BTBD10: variants seen among roughly 807,000 people sequenced by gnomAD.
BTBD10 encodes the protein BTB/POZ domain-containing protein 10.
Under a neutral mutation model 53.2 loss-of-function variants are expected in BTBD10, and 21 were observed. The observed-to-expected ratio is 0.39, with a 90% CI of 0.28 to 0.57. The LOEUF is 0.57. Among genes scored for constraint, BTBD10 ranks in the 20% least tolerant of loss-of-function variants. BTBD10 has a pLI of 0.53. For synonymous variants in BTBD10, 149 were observed against 192.7 expected, an observed-to-expected ratio of 0.77 and a Z score of 1.88; for missense variants, 360 against 594.7, an observed-to-expected ratio of 0.61 and a Z score of 4.10.
intron 8 of BTBD10, among the ~76,000 whole-genome samples, chr11:13,389,523 G>T (rs1949351666): frequency 6.6e-6 from 1 of 151,976 alleles, no homozygotes; most frequent in African/African-American, 2.4e-5. Context: ...TGCTTCCCAG[G>T]TTCAAGCAAT....
chr11:13,419,664 G>A lies in BTBD10; in HGVS notation c.380C>T (p.Ala127Val), dbSNP rs774906483. 4 of 1,613,970 alleles carry A rather than the reference G, an allele frequency of 2.5e-6. No individual in the cohort carries two copies. The highest frequency in any genetic ancestry group is 1.7e-5 in the Admixed American group (1 of 60,002). Residue 127 changes from alanine to valine, a missense_variant, in exon 4 of 9, where the codon GCT (alanine) becomes GTT (valine). By Grantham distance (64) the Ala-to-Val change is moderately conservative. This residue lies in a region of BTBD10 where 109 missense variants were observed against 118.6 expected (regional missense o/e 0.92). Coordinates refer to ENST00000278174, the MANE Select transcript of BTBD10 (RefSeq NM_032320.7). ...ACTACTGTTTCTGCTGCTGTTCCCA[G>A]CACTGCTAATGGAACCATTTGGGGA... The part of the protein sequence containing the change: ...KASPNGSISS[A>V]GNSSRNSSQS...
chr11:13,418,457 AT>A (rs1471119823), intron 4 of BTBD10, among the ~76,000 whole-genome samples: 6 of 152,214 alleles, frequency 3.9e-5, no homozygotes, highest in African/African-American at 1.4e-4. Flanking sequence ...GTTTCTATAT[AT>A]TATGTAAAAA....
chr11:13,449,588 T>C (rs1329962922), intron 1 of BTBD10, among the ~76,000 whole-genome samples: 1 of 152,208 alleles, frequency 6.6e-6, no homozygotes, highest in Non-Finnish European at 1.5e-5. Context: ...ACTAAAATCT[T>C]ACTCTTAGTC....
intron 2 of BTBD10, among the ~76,000 whole-genome samples, chr11:13,427,744 A>T (rs958495728): frequency 2.6e-5 from 4 of 152,244 alleles, no homozygotes; most frequent in Non-Finnish European, 5.9e-5. Context: ...AAGTATCAAT[A>T]AACTTAAAAG....
At chr11:13,416,379 A>C (rs192097908) in intron 5 of BTBD10, among the ~76,000 whole-genome samples, 31 of 152,224 alleles carry the variant, frequency 2.0e-4, no homozygotes, top group East Asian at 3.9e-4. Flanking sequence ...ACAACAACAA[A>C]AAAAACCCAA....
At chr11:13,417,853 A>C (rs1265871786) in intron 4 of BTBD10, among the ~76,000 whole-genome samples, 4 of 152,214 alleles carry the variant, frequency 2.6e-5, no homozygotes, top group African/African-American at 7.2e-5. Context: ...TGAAGAAATA[A>C]GACAAGGGCA....
chr11:13,425,487 G>A (rs1415493960), intron 2 of BTBD10, among the ~76,000 whole-genome samples: 2 of 152,004 alleles, frequency 1.3e-5, no homozygotes, highest in Non-Finnish European at 2.9e-5. Context: ...AAAACATCAA[G>A]TGAAATAAAA....
chr11:13,411,021 G>C (rs1365829686), intron 6 of BTBD10, among the ~76,000 whole-genome samples: 1 of 152,148 alleles, frequency 6.6e-6, no homozygotes, highest in African/African-American at 2.4e-5. Context: ...AGTCAGATTT[G>C]AGTATGTTTG....
intron 2 of BTBD10, among the ~76,000 whole-genome samples, chr11:13,444,763 A>G (rs1237641778): frequency 2.6e-5 from 4 of 152,200 alleles, no homozygotes; most frequent in African/African-American, 9.7e-5. Flanking sequence ...AATTAAGTAA[A>G]TTATAGCATT....
chr11:13,431,561 GT>G (rs947384753), intron 2 of BTBD10, among the ~76,000 whole-genome samples: 3 of 151,942 alleles, frequency 2.0e-5, no homozygotes, highest in African/African-American at 7.3e-5. Context: ...TTTTCACTTT[GT>G]TTCAAAATCA....
chr11:13,397,672 G>C (rs555120071), intron 8 of BTBD10, among the ~76,000 whole-genome samples: 1 of 152,120 alleles, frequency 6.6e-6, no homozygotes, highest in South Asian at 2.1e-4. Flanking sequence ...TTCTCTTGTG[G>C]GCATTTAGTG....
rs1417965869 is a variant in BTBD10, at chr11:13,403,753, T to C, written c.1007-475A>G. ...TCATGGATTGAGCAACTATTAATAA[T>C]TTCCCAAAAGGCAAAGACCCTCCCC... On this transcript the variant is annotated intron_variant, in intron 7 of 8. Coordinates refer to ENST00000278174, the MANE Select transcript of BTBD10 (RefSeq NM_032320.7). Among the ~76,000 whole-genome samples, 3 of 152,194 alleles carry C rather than the reference T, an allele frequency of 2.0e-5. No homozygotes were observed. The East Asian group carries it at 5.8e-4, about 29-fold the overall frequency.
intron 1 of BTBD10, among the ~76,000 whole-genome samples, chr11:13,450,495 T>C (rs1478761197): frequency 6.6e-6 from 1 of 152,188 alleles, no homozygotes; most frequent in Non-Finnish European, 1.5e-5. Context: ...AGAGAGACTG[T>C]ATCACTAAAA....
intron 3 of BTBD10, among the ~76,000 whole-genome samples, chr11:13,421,211 T>G (rs1182043329): frequency 1.3e-5 from 2 of 152,206 alleles, no homozygotes; most frequent in African/African-American, 4.8e-5. Flanking sequence ...TCATCTATTT[T>G]TATTATTAAA....
intron 2 of BTBD10, among the ~76,000 whole-genome samples, chr11:13,425,668 A>G (rs1176323622): frequency 6.6e-6 from 1 of 152,204 alleles, no homozygotes; most frequent in Non-Finnish European, 1.5e-5. Flanking sequence ...ATGGCCCTTT[A>G]AAATGACTAT....
chr11:13,442,477 T>C (rs1287226534), intron 2 of BTBD10, among the ~76,000 whole-genome samples: 2 of 152,158 alleles, frequency 1.3e-5, no homozygotes, highest in East Asian at 1.9e-4. Flanking sequence ...TTTTTTTCAT[T>C]TGCCACATGG....
intron 3 of BTBD10, among the ~76,000 whole-genome samples, chr11:13,419,958 T>C (rs529666149): frequency 4.9e-4 from 74 of 152,310 alleles, no homozygotes; most frequent in African/African-American, 1.7e-3. Context: ...CTAAAATCTT[T>C]ATTTGTAGAC....
chr11:13,427,319 T>C (rs1950359721), intron 2 of BTBD10, among the ~76,000 whole-genome samples: 2 of 152,130 alleles, frequency 1.3e-5, no homozygotes, highest in Non-Finnish European at 2.9e-5. Context: ...CTAGCACTAG[T>C]TCAAAGAAAG....
intron 1 of BTBD10, among the ~76,000 whole-genome samples, chr11:13,459,042 A>AT (rs1168211588): frequency 3.4e-5 from 5 of 144,944 alleles, no homozygotes; most frequent in Non-Finnish European, 6.0e-5. Context: ...TTATTTATTT[A>AT]TTTTTTTATT....
Sources: allele counts gnomAD v4.1 joint callset (sites outside exome capture counted in the v4.1 genomes callset), GRCh38; gene constraint gnomAD v4.1.1; regional missense constraint gnomAD v4.1.1; transcripts MANE v1.5; gene names NCBI Gene and HGNC (gene_info 2026-07-23, HGNC 2026-07-21).